Variants in DIP2B observed in about 807,000 individuals in gnomAD.
DIP2B encodes the protein disco-interacting protein 2 homolog B.
DIP2B carries 76 observed loss-of-function variants against 198.0 expected under a neutral mutation model. That is an observed-to-expected ratio of 0.38 (90% CI 0.32 to 0.46). The LOEUF (loss-of-function observed/expected upper bound fraction) is 0.46, where lower values mean the gene tolerates loss of function less well. DIP2B is among the 20% of genes least tolerant of loss of function. The pLI is 0.99. For missense variants in DIP2B, 1,559 were observed against 1,978.4 expected (o/e 0.79, Z 4.02); for synonymous variants, 701 against 739.1 (o/e 0.95, Z 0.84).
chr12:50,730,382 C>CT (rs35093819), intron 30 of DIP2B, among the ~76,000 whole-genome samples: 716 of 62,764 alleles, frequency 0.011, 5 homozygotes, highest in African/African-American at 0.019. Flanking sequence ...CTCTCTCTCT[C>CT]TTTTTTTTTT....
intron 1 of DIP2B, among the ~76,000 whole-genome samples, chr12:50,539,031 C>T (rs897945633): frequency 6.6e-6 from 1 of 152,074 alleles, no homozygotes; most frequent in Non-Finnish European, 1.5e-5. Flanking sequence ...GGGATGCATG[C>T]GTGTTGAGCT....
Position 50,746,067 on chromosome 12 carries a change from A to C in DIP2B, c.*1228A>C, listed in dbSNP as rs1940337250. On this transcript the variant is annotated 3_prime_UTR_variant, in exon 38 of 38. Coordinates refer to ENST00000301180, the MANE Select transcript of DIP2B (RefSeq NM_173602.3). ...CCAAAGCAGCCAGGCTTATGCTGAA[A>C]CCGGGGAAGTCTGACATATGCAGGA... 6.6e-6 allele frequency: 1 copy of C among 152,172 alleles called. No individual in the cohort carries two copies. Among genetic ancestry groups the C allele is most frequent in the African/African-American group, 2.4e-5 (1 of 41,440 alleles). The allele number at this position is 152,172 out of a possible 1,614,324, so 9.4% of individuals were successfully genotyped here. A position where few individuals can be genotyped will look rare whatever the true frequency, so the allele number is the denominator to read the frequency against.
chr12:50,734,566 G>A (rs1239310685), intron 33 of DIP2B, among the ~76,000 whole-genome samples: 2 of 152,150 alleles, frequency 1.3e-5, no homozygotes, highest in African/African-American at 2.4e-5. Context: ...CTTTATCTGA[G>A]CCCCATGGGT....
At chr12:50,567,038 C>CTT (rs199582894) in intron 1 of DIP2B, among the ~76,000 whole-genome samples, 5 of 148,684 alleles carry the variant, frequency 3.4e-5, no homozygotes, top group African/African-American at 9.9e-5. Flanking sequence ...TGTGCACTGA[C>CTT]TTTTTTTTTG....
intron 9 of DIP2B, among the ~76,000 whole-genome samples, chr12:50,682,263 C>CAGGTGTAACAATCTCCTCTAGGAGG (rs1324345611): frequency 1.3e-5 from 2 of 151,350 alleles, no homozygotes; most frequent in African/African-American, 4.9e-5. Flanking sequence ...CACCTATTAC[C>CAGGTGTAACAATCTCCTCTAGGAGG]AGATGCCCTC....
At chr12:50,659,641 G>C (rs564456751) in intron 3 of DIP2B, among the ~76,000 whole-genome samples, 1 of 152,124 alleles carries the variant, frequency 6.6e-6, no homozygotes, top group African/African-American at 2.4e-5. Context: ...GAAATTTTTT[G>C]TGCCCAAAGT....
At position 50,692,675 on chromosome 12, in the gene DIP2B, TA is replaced by T. The variant is rs145612206; in HGVS notation, c.1655-269del. 9.8e-3 allele frequency among the ~76,000 whole-genome samples: 1,487 copies of T among 152,078 alleles called. 22 individuals carry two copies. Among genetic ancestry groups the T allele is most frequent in the African/African-American group, 0.034 (1,424 of 41,472 alleles). Reference sequence around the variant, plus strand: ...CAACCTGGTGAAACTCCCTCTCTACTAAAAATACAAAATTAGCCGTGCATGG... The same window carrying T: ...CAACCTGGTGAAACTCCCTCTCTACTAAAATACAAAATTAGCCGTGCATGG... On this transcript the variant is annotated intron_variant, in intron 13 of 37. Transcript: ENST00000301180.
chr12:50,577,627 C>T (rs565226673), intron 1 of DIP2B, among the ~76,000 whole-genome samples: 1 of 151,162 alleles, frequency 6.6e-6, no homozygotes, highest in East Asian at 1.9e-4. Context: ...ATATAATACA[C>T]TTTTATATGA....
chr12:50,659,170 G>A (rs762233622), intron 3 of DIP2B, among the ~76,000 whole-genome samples: 6 of 152,146 alleles, frequency 3.9e-5, no homozygotes, highest in Non-Finnish European at 7.3e-5. Flanking sequence ...AAAACCCCTA[G>A]AAAGGAGAGA....
Position 50,739,689 on chromosome 12 carries a change from C to T in DIP2B, c.4354+103C>T, listed in dbSNP as rs1940205604. 3.1e-5 allele frequency: 43 copies of T among 1,381,600 alleles called. 1 individual carries two copies. The South Asian group carries it at 4.5e-4, about 15-fold the overall frequency. The allele number at this position is 1,381,600 out of a possible 1,614,324, so 85.6% of individuals were successfully genotyped here. A position where few individuals can be genotyped will look rare whatever the true frequency, so the allele number is the denominator to read the frequency against. On this transcript the variant is annotated intron_variant, in intron 36 of 37. Transcript: ENST00000301180. Reference sequence around the variant, plus strand: ...ATTGTGGAGTGTGTCTATTTAGTTACTCCCTTCGGTGACTCTTAAACCCAT... The same window carrying T: ...ATTGTGGAGTGTGTCTATTTAGTTATTCCCTTCGGTGACTCTTAAACCCAT...
At chr12:50,729,151 T>G (rs1386803403) in intron 30 of DIP2B, among the ~76,000 whole-genome samples, 2 of 152,168 alleles carry the variant, frequency 1.3e-5, no homozygotes, top group African/African-American at 4.8e-5. Context: ...CCAGGGAACC[T>G]CATCTCAGAC....
intron 30 of DIP2B, among the ~76,000 whole-genome samples, chr12:50,729,595 G>T (rs1939999707): frequency 6.6e-6 from 1 of 151,990 alleles, no homozygotes; most frequent in South Asian, 2.1e-4. Context: ...GATGAGACAT[G>T]ATAGGAACTC....
chr12:50,576,160 C>A (rs71466980), intron 1 of DIP2B, among the ~76,000 whole-genome samples: 1 of 150,636 alleles, frequency 6.6e-6, no homozygotes, highest in Non-Finnish European at 1.5e-5. Flanking sequence ...ACCTCCGCCT[C>A]CTGGGTTCAA....
At position 50,704,140 on chromosome 12, in the gene DIP2B, G is replaced by A. The variant is rs764854151; in HGVS notation, c.2326G>A (p.Val776Ile). 1.0e-5 allele frequency: 16 copies of A among 1,606,266 alleles called. No homozygotes were observed. The highest frequency in any genetic ancestry group is 1.3e-5 in the Non-Finnish European group (15 of 1,178,396). The change falls in exon 20 of 38, where the codon GTA (valine) becomes ATA (isoleucine). Residue 776 changes from valine to isoleucine, a missense_variant and splice_region_variant. Val to Ile is a conservative substitution (Grantham distance 29). Coordinates refer to ENST00000301180, the MANE Select transcript of DIP2B (RefSeq NM_173602.3). ...TCACTTACTTCATTTTGTCTCTTAG[G>A]TAATTCCAGTGAATTCTGCAGGCTC... ...LAGVTKNTFE[V>I]IPVNSAGSPV... is the part of the protein sequence containing the mutation.
intron 1 of DIP2B, among the ~76,000 whole-genome samples, chr12:50,590,159 A>C (rs1427124018): frequency 6.7e-6 from 1 of 148,288 alleles, no homozygotes; most frequent in East Asian, 2.0e-4. Context: ...TTTCTGGATA[A>C]TTTTTTTTTT....
At chr12:50,509,539 T>C (rs1381539045) in intron 1 of DIP2B, among the ~76,000 whole-genome samples, 1 of 152,234 alleles carries the variant, frequency 6.6e-6, no homozygotes, top group East Asian at 1.9e-4. Context: ...CCATCCTCCC[T>C]TTCTCCTGTC....
intron 3 of DIP2B, among the ~76,000 whole-genome samples, chr12:50,650,829 T>C (rs181990842): frequency 6.6e-6 from 1 of 152,176 alleles, no homozygotes; most frequent in African/African-American, 2.4e-5. Flanking sequence ...TATCCAGAAG[T>C]GGAATTGCTT....
At chr12:50,631,316 T>C (rs1017109146) in intron 2 of DIP2B, among the ~76,000 whole-genome samples, 4 of 151,876 alleles carry the variant, frequency 2.6e-5, no homozygotes, top group African/African-American at 9.7e-5. Context: ...AACCTCTACC[T>C]CCTGGGTTCA....
intron 1 of DIP2B, among the ~76,000 whole-genome samples, chr12:50,619,977 C>T (rs535060716): frequency 6.6e-6 from 1 of 152,314 alleles, no homozygotes; most frequent in African/African-American, 2.4e-5. Flanking sequence ...AGGAGGGTCA[C>T]TTGAGCCCAC....
Sources: allele counts gnomAD v4.1 joint callset (sites outside exome capture counted in the v4.1 genomes callset), GRCh38; gene constraint gnomAD v4.1.1; transcripts MANE v1.5; gene names NCBI Gene and HGNC (gene_info 2026-07-23, HGNC 2026-07-21).